The following KIAA0232 variants were observed in gnomAD, a reference collection of about 807,000 sequenced individuals.
KIAA0232 encodes the protein KIAA0232.
A neutral mutation model predicts 122.0 loss-of-function variants in KIAA0232; 27 were observed. That is an observed-to-expected ratio of 0.22 (90% CI 0.16 to 0.31). The LOEUF is 0.31. Ranked by LOEUF, KIAA0232 falls within the 10% of genes least tolerant of loss-of-function variation. KIAA0232 has a pLI of 1.00. For missense variants in KIAA0232, 1,551 were observed against 1,634.2 expected (o/e 0.95, Z 0.88); for synonymous variants, 613 against 587.6 (o/e 1.04, Z -0.63).
At chr4:6,859,613 A>C (rs1041108085) in intron 6 of KIAA0232, among the ~76,000 whole-genome samples, 15 of 152,230 alleles carry the variant, frequency 9.9e-5, no homozygotes, top group Admixed American at 8.5e-4. Flanking sequence ...TATGTTTTTA[A>C]TGTGCCTACT....
intron 2 of KIAA0232, among the ~76,000 whole-genome samples, chr4:6,812,025 A>G (rs1037736569): frequency 6.6e-6 from 1 of 152,208 alleles, no homozygotes; most frequent in Non-Finnish European, 1.5e-5. Context: ...CCTATCAAAC[A>G]TAAAGTAGAT....
chr4:6,829,529 A>T (rs1718861047), intron 3 of KIAA0232, among the ~76,000 whole-genome samples: 1 of 152,242 alleles, frequency 6.6e-6, no homozygotes, highest in Non-Finnish European at 1.5e-5. Context: ...CATAAGGAAC[A>T]TCACAGCATG....
chr4:6,829,632 G>T (rs569241237), intron 3 of KIAA0232, among the ~76,000 whole-genome samples: 1 of 152,352 alleles, frequency 6.6e-6, no homozygotes, highest in East Asian at 1.9e-4. Flanking sequence ...CCCACAGCCT[G>T]AAAGTGAATG....
intron 6 of KIAA0232, among the ~76,000 whole-genome samples, chr4:6,860,276 G>T (rs897437764): frequency 2.0e-5 from 3 of 152,170 alleles, no homozygotes; most frequent in African/African-American, 7.2e-5. Context: ...TATTTTGTAG[G>T]TGAGGAAACT....
chr4:6,786,639 C>T (rs1023752718), intron 1 of KIAA0232, among the ~76,000 whole-genome samples: 20 of 152,196 alleles, frequency 1.3e-4, no homozygotes, highest in African/African-American at 4.8e-4. Context: ...ACATCGGTGC[C>T]CACAACAACA....
At chr4:6,817,336 C>T (rs1209639180) in intron 2 of KIAA0232, among the ~76,000 whole-genome samples, 1 of 152,166 alleles carries the variant, frequency 6.6e-6, no homozygotes, top group East Asian at 1.9e-4. Context: ...TTCACCTCAG[C>T]CTCCCAAGTA....
intron 8 of KIAA0232, among the ~76,000 whole-genome samples, chr4:6,874,345 G>A (rs1015467230): frequency 6.6e-6 from 1 of 152,222 alleles, no homozygotes; most frequent in Admixed American, 6.5e-5. Flanking sequence ...CCAGGCAGCA[G>A]TGGCTTGTGC....
At chr4:6,806,201 A>G (rs777607223) in intron 2 of KIAA0232, among the ~76,000 whole-genome samples, 2 of 152,188 alleles carry the variant, frequency 1.3e-5, no homozygotes, top group African/African-American at 2.4e-5. Flanking sequence ...TAGCCCTGCT[A>G]AAGAATTTTG....
chr4:6,813,506 G>C (rs961481228), intron 2 of KIAA0232, among the ~76,000 whole-genome samples: 8 of 152,036 alleles, frequency 5.3e-5, no homozygotes, highest in Non-Finnish European at 8.8e-5. Flanking sequence ...GGGACTACAG[G>C]TGCCTGCCAC....
At chr4:6,831,240 GAGAC>G (rs2109068485) in intron 3 of KIAA0232, among the ~76,000 whole-genome samples, 1 of 152,014 alleles carries the variant, frequency 6.6e-6, no homozygotes, top group Non-Finnish European at 1.5e-5. Context: ...ATTTTTAGTG[GAGAC>G]AGGGTTTCAC....
chr4:6,859,919 C>T (rs957148542), intron 6 of KIAA0232, among the ~76,000 whole-genome samples: 3 of 152,180 alleles, frequency 2.0e-5, no homozygotes, highest in Admixed American at 6.5e-5. Flanking sequence ...GCTTTTTCTA[C>T]GCTGCATTTC....
intron 4 of KIAA0232, among the ~76,000 whole-genome samples, chr4:6,854,564 C>A (rs1334259784): frequency 1.3e-5 from 2 of 152,190 alleles, no homozygotes; most frequent in Non-Finnish European, 2.9e-5. Flanking sequence ...CTGAGCGTGT[C>A]CTGAAACTTG....
At chr4:6,803,200 A>G (rs962125583) in intron 1 of KIAA0232, among the ~76,000 whole-genome samples, 11 of 106,540 alleles carry the variant, frequency 1.0e-4, no homozygotes, top group African/African-American at 4.3e-4. Context: ...AATTAAAATG[A>G]GTGCATATAT....
At chr4:6,835,823 A>G (rs910809457) in intron 3 of KIAA0232, among the ~76,000 whole-genome samples, 1 of 152,212 alleles carries the variant, frequency 6.6e-6, no homozygotes, top group Non-Finnish European at 1.5e-5. Flanking sequence ...GCTGCGTAGT[A>G]TTCCATGGTG....
At chr4:6,872,426 A>T (rs1320810081) in intron 8 of KIAA0232, among the ~76,000 whole-genome samples, 2 of 152,226 alleles carry the variant, frequency 1.3e-5, no homozygotes, top group Non-Finnish European at 2.9e-5. Context: ...AGAGGGAGAC[A>T]GGAGTGGGCG....
In KIAA0232 at chr4:6,817,800, T is replaced by C. The variant is rs1718208089; in HGVS notation, c.-269-6385T>C. Among the ~76,000 whole-genome samples the C allele has an allele frequency of 2.6e-5, 4 of 152,180 alleles. No individual in the cohort carries two copies. The South Asian group carries it at 6.2e-4, about 24-fold the overall frequency. On this transcript the variant is annotated intron_variant, in intron 2 of 9. Transcript: ENST00000307659. ...TCTAGTGTAATTGTGGACTTGTTTATTTATCTTTGCAGTTCTACCAATTTT... is the reference window on the plus strand; with the variant it reads ...TCTAGTGTAATTGTGGACTTGTTTACTTATCTTTGCAGTTCTACCAATTTT...
At chr4:6,866,288 T>A in intron 7 of KIAA0232, 1 of 956,594 alleles carries the variant, frequency 1.0e-6, no homozygotes. Context: ...TTATGTGTTA[T>A]CAGAATTCCG....
chr4:6,794,128 C>T (rs977713430), intron 1 of KIAA0232, among the ~76,000 whole-genome samples: 1 of 152,168 alleles, frequency 6.6e-6, no homozygotes, highest in South Asian at 2.1e-4. Flanking sequence ...TTTTGACTTC[C>T]ACTTGGTCGG....
At position 6,837,882 on chromosome 4, in the gene KIAA0232, T is replaced by A. The variant is rs1053919309; in HGVS notation, c.232-4185T>A. 3.4e-5 allele frequency among the ~76,000 whole-genome samples: 5 copies of A among 145,206 alleles called. No homozygotes were observed. In the Admixed American group the frequency reaches 3.5e-4, roughly 10 times the overall value. ...GGCGGCAGCACAGTCCAGCCTTGGC[T>A]GGGCATTAGAGGGAGACCGTGCAAA... is the stretch of plus-strand genomic sequence containing the variant. On this transcript the variant is annotated intron_variant, in intron 3 of 9. Transcript: ENST00000307659.
Sources: allele counts gnomAD v4.1 joint callset (sites outside exome capture counted in the v4.1 genomes callset), GRCh38; gene constraint gnomAD v4.1.1; transcripts MANE v1.5; gene names NCBI Gene and HGNC (gene_info 2026-07-23, HGNC 2026-07-21).